AKAP13: variants seen among roughly 807,000 people sequenced by gnomAD.
AKAP13 encodes the protein A-kinase anchoring protein 13, also known as A-kinase anchor protein 13.
Under a neutral mutation model 264.5 loss-of-function variants are expected in AKAP13, and 80 were observed. That is an observed-to-expected ratio of 0.30 (90% CI 0.25 to 0.36). AKAP13 has a LOEUF of 0.36. Ranked by LOEUF, AKAP13 falls within the 10% of genes least tolerant of loss-of-function variation. The pLI, the probability that AKAP13 is intolerant of heterozygous loss-of-function variation, is 1.00. For synonymous variants in AKAP13, 1,380 were observed against 1,250.2 expected (o/e 1.10, Z -2.19); for missense variants, 3,712 against 3,435.2 (o/e 1.08, Z -2.01).
At chr15:85,726,896 G>T in intron 27 of AKAP13, 170 bp from the exon 28 acceptor site, 2 of 705,956 alleles carry the variant, frequency 2.8e-6, no homozygotes, top group African/African-American at 1.8e-5. Context: ...ATCTTTTTTT[G>T]TTAAAATCTG....
chr15:85,506,400 T>G (rs1176634671), intron 2 of AKAP13, among the ~76,000 whole-genome samples: 2 of 152,124 alleles, frequency 1.3e-5, no homozygotes, highest in African/African-American at 4.8e-5. Context: ...CTTTAGGCAA[T>G]GATGTAGCAT....
chr15:85,706,586 T>G (rs955630383), intron 17 of AKAP13, among the ~76,000 whole-genome samples: 1 of 152,198 alleles, frequency 6.6e-6, no homozygotes, highest in South Asian at 2.1e-4. Flanking sequence ...TGTTTGTCCT[T>G]TTGTGTTACT....
intron 1 of AKAP13, among the ~76,000 whole-genome samples, chr15:85,396,031 C>CAT (rs1000906701): frequency 6.6e-6 from 1 of 151,976 alleles, no homozygotes; most frequent in African/African-American, 2.4e-5. Context: ...TACACACACA[C>CAT]ACACACACAC....
chr15:85,601,782 T>C (rs1331930554), intron 8 of AKAP13, among the ~76,000 whole-genome samples: 2 of 152,034 alleles, frequency 1.3e-5, no homozygotes, highest in Non-Finnish European at 2.9e-5. Context: ...TCTAGAAATG[T>C]TTACTGTATT....
chr15:85,660,692 TCTC>T (rs1223016604), intron 12 of AKAP13, among the ~76,000 whole-genome samples: 1 of 152,150 alleles, frequency 6.6e-6, no homozygotes, highest in Non-Finnish European at 1.5e-5. Context: ...ATATATATCT[TCTC>T]CTCACACAAG....
chr15:85,627,074 A>G (rs1287426529), intron 8 of AKAP13, among the ~76,000 whole-genome samples: 2 of 152,122 alleles, frequency 1.3e-5, no homozygotes, highest in African/African-American at 2.4e-5. Flanking sequence ...CCATCTGCGA[A>G]TAGGTATTAT....
chr15:85,580,319 C>T lies in AKAP13; in HGVS notation c.2251C>T (p.Pro751Ser). Residue 751 changes from proline to serine, a missense_variant, in exon 7 of 37, where the codon CCT becomes TCT. Physicochemically the swap from Pro to Ser is moderately conservative, Grantham distance 74. Transcript: ENST00000394518. ...GQRKDVKLDKPLTNMLEVVSH... is the reference protein window; with the variant it reads ...GQRKDVKLDKSLTNMLEVVSH... ...ACGAAAAGATGTGAAACTAGATAAA[C>T]CTTTAACAAATATGCTTGAGGTGGT... 1 of 1,614,188 alleles carries T rather than the reference C, an allele frequency of 6.2e-7. No individual in the cohort carries two copies. The highest frequency in any genetic ancestry group is 8.5e-7 in the Non-Finnish European group (1 of 1,180,036).
chr15:85,612,754 G>A (rs1292759375), intron 8 of AKAP13, among the ~76,000 whole-genome samples: 2 of 151,380 alleles, frequency 1.3e-5, no homozygotes, highest in Admixed American at 6.6e-5. Flanking sequence ...AGCCTGGGAG[G>A]CGAAGGTTGT....
At chr15:85,417,174 T>G (rs1434121265) in intron 1 of AKAP13, among the ~76,000 whole-genome samples, 1 of 152,210 alleles carries the variant, frequency 6.6e-6, no homozygotes, top group Non-Finnish European at 1.5e-5. Context: ...ATATTAAGTT[T>G]TGGATTGATA....
chr15:85,715,062 C>T (rs1462333482), intron 19 of AKAP13, among the ~76,000 whole-genome samples: 1 of 152,178 alleles, frequency 6.6e-6, no homozygotes, highest in Non-Finnish European at 1.5e-5. Flanking sequence ...CCTGTCCCAC[C>T]CCAGAGGTAA....
chr15:85,396,929 A>T (rs2071145525), intron 1 of AKAP13, among the ~76,000 whole-genome samples: 1 of 142,316 alleles, frequency 7.0e-6, no homozygotes, highest in Non-Finnish European at 1.5e-5. Flanking sequence ...TTTTAAGATA[A>T]CTGTTTCTCT....
In AKAP13 at chr15:85,579,212, G is replaced by C. The variant is rs748778878; in HGVS notation, c.1144G>C (p.Glu382Gln). The change falls in exon 7 of 37, where the codon GAG becomes CAG. Residue 382 changes from glutamate to glutamine, a missense_variant. Around this residue, in one of 3 missense-constraint regions of AKAP13, gnomAD observed 2,759 missense variants for 2,411.7 expected, o/e 1.14. Coordinates refer to ENST00000394518, the MANE Select transcript of AKAP13 (RefSeq NM_007200.5). ...TAAAGGCGTGGAAAGAAAAGGGGAA[G>C]AGGTGGAGCCAGCACCTATTGTGGA... Reference protein sequence around the residue: ...KNKGVERKGEEVEPAPIVDSG... With the variant: ...KNKGVERKGEQVEPAPIVDSG... 6.2e-7 allele frequency: 1 copy of C among 1,614,248 alleles called. No homozygotes were observed. Among genetic ancestry groups the C allele is most frequent in the Non-Finnish European group, 8.5e-7 (1 of 1,180,042 alleles).
Position 85,581,724 on chromosome 15 carries a change from C to A in AKAP13, c.3656C>A (p.Pro1219Gln). Residue 1219 changes from proline to glutamine, a missense_variant, in exon 7 of 37, where the codon CCG (proline) becomes CAG (glutamine). Pro to Gln is a moderately conservative substitution (Grantham distance 76). Around this residue, in one of 3 missense-constraint regions of AKAP13, gnomAD observed 2,759 missense variants for 2,411.7 expected, o/e 1.14. Transcript: ENST00000394518. The part of the protein sequence containing the change: ...PAGVREVMRA[P>Q]PSGRERSTPS... ...GGTGTGAGGGAAGTCATGCGAGCCC[C>A]GCCTTCAGGCAGGGAAAGGAGCACT... The A allele has an allele frequency of 6.2e-7, 1 of 1,614,148 alleles. No homozygotes were observed. Among genetic ancestry groups the A allele is most frequent in the Non-Finnish European group, 8.5e-7 (1 of 1,180,004 alleles).
At chr15:85,387,540 G>T (rs2070635892) in intron 1 of AKAP13, among the ~76,000 whole-genome samples, 1 of 152,068 alleles carries the variant, frequency 6.6e-6, no homozygotes, top group Non-Finnish European at 1.5e-5. Flanking sequence ...GCCCAGGCTG[G>T]CCTCAAACTC....
At chr15:85,615,748 C>T (rs751550225) in intron 8 of AKAP13, among the ~76,000 whole-genome samples, 17 of 152,292 alleles carry the variant, frequency 1.1e-4, no homozygotes, top group Non-Finnish European at 2.4e-4. Flanking sequence ...TGTCTCAATT[C>T]CTTTTTCTTT....
At chr15:85,474,572 GATTAAC>G (rs1331149750) in intron 1 of AKAP13, among the ~76,000 whole-genome samples, 1 of 152,154 alleles carries the variant, frequency 6.6e-6, no homozygotes, top group Non-Finnish European at 1.5e-5. Flanking sequence ...TCATTGAAGC[GATTAAC>G]ATTAACAAAA....
In AKAP13 at chr15:85,664,589, G is replaced by T; in HGVS notation, c.4826G>T (p.Gly1609Val). The T allele has an allele frequency of 6.2e-7, 1 of 1,613,254 alleles. No individual in the cohort carries two copies. Among genetic ancestry groups the T allele is most frequent in the African/African-American group, 1.3e-5 (1 of 75,014 alleles). ...TTCAGTCTAGAAGGCTTGACAGGAG[G>T]AGCTGGTGTCGGAAACAAGCCATCC... ...RSFSLEGLTG[G>V]AGVGNKPSSS... The change falls in exon 13 of 37, where the codon GGA becomes GTA. Residue 1609 changes from glycine to valine, a missense_variant. Gly to Val is a moderately radical substitution (Grantham distance 109). This residue lies in a region of AKAP13 where 2,759 missense variants were observed against 2,411.7 expected (regional missense o/e 1.14). Coordinates refer to ENST00000394518, the MANE Select transcript of AKAP13 (RefSeq NM_007200.5).
chr15:85,608,628 G>A (rs1437467242), intron 8 of AKAP13, among the ~76,000 whole-genome samples: 1 of 152,198 alleles, frequency 6.6e-6, no homozygotes, highest in Non-Finnish European at 1.5e-5. Context: ...AATTGGGAAA[G>A]TAGAATTAAA....
At chr15:85,743,858 A>G (rs371582004) in intron 36 of AKAP13, 33 bp downstream of exon 36, 3 of 1,578,276 alleles carry the variant, frequency 1.9e-6, no homozygotes, top group South Asian at 1.2e-5. Flanking sequence ...CCCTGTGGCC[A>G]TAGTGTCTGT....
Sources: allele counts gnomAD v4.1 joint callset (sites outside exome capture counted in the v4.1 genomes callset), GRCh38; gene constraint gnomAD v4.1.1; regional missense constraint gnomAD v4.1.1; transcripts MANE v1.5; gene names NCBI Gene and HGNC (gene_info 2026-07-23, HGNC 2026-07-21).